PLAGL1: variants seen among roughly 807,000 people sequenced by gnomAD.
The protein encoded by PLAGL1 is zinc finger protein PLAGL1.
In PLAGL1, 1 loss-of-function variant was observed where a neutral mutation model predicts 4.6. The observed-to-expected ratio is 0.22, with a 90% CI of 0.08 to 1.03. PLAGL1 has a LOEUF of 1.03. Ranked by LOEUF, PLAGL1 falls within the 50% of genes least tolerant of loss-of-function variation. PLAGL1 has a pLI of 0.58. For missense variants in PLAGL1, 464 were observed against 570.4 expected, an observed-to-expected ratio of 0.81 and a Z score of 1.90; for synonymous variants, 240 against 237.8, an observed-to-expected ratio of 1.01 and a Z score of -0.08.
chr6:143,996,572 G>T (rs945464484), intron 1 of PLAGL1, among the ~76,000 whole-genome samples: 2 of 151,520 alleles, frequency 1.3e-5, no homozygotes, highest in Admixed American at 1.3e-4. Flanking sequence ...TGCAAATTCT[G>T]GGAATTGTCC....
chr6:144,038,374 A>G (rs1473741656), intron 1 of PLAGL1, among the ~76,000 whole-genome samples: 1 of 152,240 alleles, frequency 6.6e-6, no homozygotes, highest in Non-Finnish European at 1.5e-5. Flanking sequence ...AGAATTACCA[A>G]AAAATCTTGA....
At chr6:144,041,963 T>C (rs901736592) in intron 1 of PLAGL1, among the ~76,000 whole-genome samples, 5 of 152,256 alleles carry the variant, frequency 3.3e-5, no homozygotes, top group African/African-American at 1.2e-4. Context: ...ATGTGTCTGT[T>C]GGCTGCATAA....
Position 143,997,138 on chromosome 6 carries a change from G to A in PLAGL1, c.-584+10952C>T, listed in dbSNP as rs1204285480. Among the ~76,000 whole-genome samples the A allele has an allele frequency of 6.6e-6, 1 of 152,100 alleles. No individual in the cohort carries two copies. Among genetic ancestry groups the A allele is most frequent in the African/African-American group, 2.4e-5 (1 of 41,410 alleles). On this transcript the variant is annotated intron_variant, in intron 1 of 7. Transcript: ENST00000674357. This position sits in a 1 kb window ranked among gnomAD's most constrained non-coding sequence, Gnocchi z 4.6. The stretch of plus-strand genomic sequence containing the variant: ...AGATATCACCTCAAACCCACCAGAG[G>A]GCTTAAAGCGAAAAAGACTAATATC...
At chr6:143,956,394 AT>A (rs1460635271) in intron 6 of PLAGL1, among the ~76,000 whole-genome samples, 13 of 152,142 alleles carry the variant, frequency 8.5e-5, no homozygotes, top group African/African-American at 3.1e-4. Flanking sequence ...CTGCCTCAAA[AT>A]CCCCCCAGCT....
chr6:143,991,673 G>A (rs778679205), intron 1 of PLAGL1, among the ~76,000 whole-genome samples: 4 of 152,190 alleles, frequency 2.6e-5, no homozygotes, highest in Non-Finnish European at 5.9e-5. Context: ...CTAAGGGGAA[G>A]GTGCCCACCC....
At chr6:144,038,588 T>C (rs1797460288) in intron 1 of PLAGL1, among the ~76,000 whole-genome samples, 1 of 152,188 alleles carries the variant, frequency 6.6e-6, no homozygotes, top group South Asian at 2.1e-4. Flanking sequence ...AAAGAATAGT[T>C]TTTTTTCAAT....
At chr6:144,052,279 C>T (rs1798634329) in intron 1 of PLAGL1, among the ~76,000 whole-genome samples, 1 of 151,524 alleles carries the variant, frequency 6.6e-6, no homozygotes, top group South Asian at 2.1e-4. Flanking sequence ...AGCAATCAGT[C>T]AATCAATCAA....
chr6:144,051,158 TTCTC>T (rs1441597093), intron 1 of PLAGL1, among the ~76,000 whole-genome samples: 1 of 152,194 alleles, frequency 6.6e-6, no homozygotes, highest in Non-Finnish European at 1.5e-5. Flanking sequence ...ATTACGTACT[TTCTC>T]TAAGTTTTCT....
chr6:144,046,224 T>C (rs1340399033), intron 1 of PLAGL1, among the ~76,000 whole-genome samples: 2 of 152,198 alleles, frequency 1.3e-5, no homozygotes, highest in Non-Finnish European at 2.9e-5. Context: ...CTTTGTTCTG[T>C]TGCTGGCAAG....
At chr6:144,029,683 C>T (rs897846976) in intron 1 of PLAGL1, among the ~76,000 whole-genome samples, 1 of 152,228 alleles carries the variant, frequency 6.6e-6, no homozygotes, top group Non-Finnish European at 1.5e-5. Flanking sequence ...TCATCTCTCA[C>T]ATATTGCTGA....
At position 144,050,586 on chromosome 6, in the gene PLAGL1, A is replaced by G. The variant is rs1268296389; in HGVS notation, c.-151+13882T>C. Among the ~76,000 whole-genome samples, 1 of 152,240 alleles carries G rather than the reference A, an allele frequency of 6.6e-6. No individual in the cohort carries two copies. The highest frequency in any genetic ancestry group is 6.5e-5 in the Admixed American group (1 of 15,286). ...TTCCTGCCTTGCAAAGAATAAGCAC[A>G]TGATATTTATACACATCTCTGTGTC... On this transcript the variant is annotated intron_variant, in intron 1 of 3. Transcript: ENST00000437412. This position sits in a 1 kb window ranked among gnomAD's most constrained non-coding sequence, Gnocchi z 4.3.
chr6:144,043,891 C>T (rs1291115416), intron 1 of PLAGL1, among the ~76,000 whole-genome samples: 2 of 152,142 alleles, frequency 1.3e-5, no homozygotes. Flanking sequence ...CAACTTCTTC[C>T]TGGTTTAGCC....
Position 143,940,624 on chromosome 6 carries a change from A to C in PLAGL1, c.*800T>G, listed in dbSNP as rs1778381339. On this transcript the variant is annotated 3_prime_UTR_variant, in exon 8 of 8. Transcript: ENST00000674357. Reference sequence around the variant, plus strand: ...ATATATATATATTTTTAATTCCAGTAATATTTTCTTAAATTCCTGTTAAAA... The same window carrying C: ...ATATATATATATTTTTAATTCCAGTCATATTTTCTTAAATTCCTGTTAAAA... The C allele has an allele frequency of 6.6e-6, 1 of 152,460 alleles. No homozygotes were observed. The highest frequency in any genetic ancestry group is 1.5e-5 in the Non-Finnish European group (1 of 68,024). 9.4% of individuals were successfully genotyped at this position (152,460 alleles called of 1,614,324 possible). A position where few individuals can be genotyped will look rare whatever the true frequency, so the allele number is the denominator to read the frequency against.
intron 1 of PLAGL1, among the ~76,000 whole-genome samples, chr6:144,031,452 A>C (rs1188693998): frequency 2.6e-5 from 4 of 152,112 alleles, no homozygotes; most frequent in Non-Finnish European, 5.9e-5. Context: ...GATTTTTCTG[A>C]TGTTATCTTC....
chr6:144,063,186 C>G lies in PLAGL1; in HGVS notation c.-151+1282G>C, dbSNP rs1177135442. ...AAAGAATGAATTTATTTGTTGCAAC[C>G]TGCACCGGAACTTTGTAGTATTCCA... On this transcript the variant is annotated intron_variant, in intron 1 of 3. Coordinates refer to the PLAGL1 transcript ENST00000437412. This position sits in a 1 kb window ranked among gnomAD's most constrained non-coding sequence, Gnocchi z 5.7. 6.6e-6 allele frequency among the ~76,000 whole-genome samples: 1 copy of G among 152,214 alleles called. No homozygotes were observed. The highest frequency in any genetic ancestry group is 2.4e-5 in the African/African-American group (1 of 41,452).
At chr6:143,944,473 A>C (rs2268440) in intron 7 of PLAGL1, among the ~76,000 whole-genome samples, 50,505 of 152,032 alleles carry the variant, frequency 0.33, 9,290 homozygotes, top group Non-Finnish European at 0.41. Context: ...AAAACAAAAA[A>C]GGCCTGCTGT....
chr6:144,008,861 G>T (rs1056654617), upstream of PLAGL1: 2 of 152,212 alleles, frequency 1.3e-5, no homozygotes, highest in African/African-American at 2.4e-5. The surrounding 1 kb of genome is among the most constrained non-coding windows in gnomAD (Gnocchi z 6.9). Context: ...AGAAATACCC[G>T]TCTCACAGCT....
rs77507699 is a variant in PLAGL1, at chr6:144,039,640, G to C, written c.-151+24828C>G. 9.6e-3 allele frequency among the ~76,000 whole-genome samples: 1,465 copies of C among 152,112 alleles called. 5 individuals are homozygous for C. The highest frequency in any genetic ancestry group is 0.017 in the Non-Finnish European group (1,122 of 67,982). On this transcript the variant is annotated intron_variant, in intron 1 of 3. Coordinates refer to the PLAGL1 transcript ENST00000437412. This position sits in a 1 kb window ranked among gnomAD's most constrained non-coding sequence, Gnocchi z 4.1. ...CCATTTTACACCCCAAAAATGAAAA[G>C]GTTGACAAGGAGAGATTTACACTTC...
At chr6:144,046,638 C>T (rs113646371) in intron 1 of PLAGL1, among the ~76,000 whole-genome samples, 17 of 152,306 alleles carry the variant, frequency 1.1e-4, no homozygotes, top group African/African-American at 2.6e-4. Context: ...TTAGGCTACA[C>T]GGGGGTCAGG....
Sources: allele counts gnomAD v4.1 joint callset (sites outside exome capture counted in the v4.1 genomes callset), GRCh38; gene constraint gnomAD v4.1.1; non-coding constraint Gnocchi (gnomAD v3.1); transcripts MANE v1.5; gene names NCBI Gene and HGNC (gene_info 2026-07-23, HGNC 2026-07-21).